Variants in ERCC6 observed in about 807,000 individuals in gnomAD.
ERCC6 encodes DNA excision repair protein ERCC-6.
ERCC6 carries 116 observed loss-of-function variants against 158.7 expected under a neutral mutation model. That is an observed-to-expected ratio of 0.73 (90% confidence interval 0.63 to 0.85). The LOEUF is 0.85. Among genes scored for constraint, ERCC6 ranks in the 40% least tolerant of loss-of-function variants. The pLI is 0.00. For missense variants in ERCC6, 1,698 were observed against 1,799.4 expected (o/e 0.94, Z 1.02); for synonymous variants, 678 against 659.3 (o/e 1.03, Z -0.43).
Position 49,532,720 on chromosome 10 carries a change from G to T in ERCC6, c.245C>A (p.Ala82Glu), listed in dbSNP as rs779279311. The change falls in exon 2 of 21, where the codon GCA becomes GAA. Residue 82 changes from alanine to glutamate, a missense_variant. Ala to Glu is a moderately radical substitution (Grantham distance 107, BLOSUM62 -1). Coordinates refer to ENST00000355832, the MANE Select transcript of ERCC6 (RefSeq NM_000124.4). ...AAGGGCCTGGGCGCTAGGCTCTACT[G>T]CCTGGATCTGATGTCGGTCGATGTG... Reference protein sequence around the residue: ...LLHIDRHQIQAVEPSAQALEL... With the variant: ...LLHIDRHQIQEVEPSAQALEL... The T allele has an allele frequency of 6.2e-7, 1 of 1,614,210 alleles. No individual in the cohort carries two copies. The highest frequency in any genetic ancestry group is 1.1e-5 in the South Asian group (1 of 91,090).
At chr10:49,461,182 A>G (rs1274409045) in intron 19 of ERCC6, among the ~76,000 whole-genome samples, 170 bp downstream of exon 19, 1 of 152,234 alleles carries the variant, frequency 6.6e-6, no homozygotes, top group East Asian at 1.9e-4. Context: ...GAGGAAGGCA[A>G]AGTTATAACA....
chr10:49,441,605 G>T, the ERCC6 span, among the ~76,000 whole-genome samples: 143 of 133,774 alleles, frequency 1.1e-3, no homozygotes, highest in Non-Finnish European at 2.0e-3. Context: ...TTAACAAAGC[G>T]TGCTGTCCCC....
At position 49,489,509 on chromosome 10, in the gene ERCC6, C is replaced by T. The variant is rs190780411; in HGVS notation, c.1821+3608G>A. On this transcript the variant is annotated intron_variant, in intron 8 of 20. Transcript: ENST00000355832. ...GTTATAAAACAGCAGATCCAAGATT[C>T]GAACCCTGGTCTTGTAAGCACAAAA... Among the ~76,000 whole-genome samples the T allele has an allele frequency of 2.2e-3, 333 of 152,306 alleles. 2 individuals are homozygous for T. The highest frequency in any genetic ancestry group is 7.7e-3 in the African/African-American group (320 of 41,568).
chr10:49,435,557 T>G, the ERCC6 span, among the ~76,000 whole-genome samples: 1 of 152,194 alleles, frequency 6.6e-6, no homozygotes, highest in Non-Finnish European at 1.5e-5. Flanking sequence ...AATTCAACAC[T>G]TTAAATAGCT....
chr10:49,516,226 A>C, intron 5 of ERCC6: 1 of 1,614,152 alleles, frequency 6.2e-7, no homozygotes, highest in African/African-American at 1.3e-5. Context: ...CCACACCAAA[A>C]CTTATAGCCA....
Position 49,457,292 on chromosome 10 carries a change from T to C in ERCC6, c.*1523A>G, listed in dbSNP as rs1337549899. ...TGATGGCAAAGTGACAAAAATAATG[T>C]AATCATCTTCTTCCCTCATTATATA... On this transcript the variant is annotated 3_prime_UTR_variant, in exon 21 of 21. Transcript: ENST00000355832. 2 of 152,162 alleles carry C rather than the reference T, an allele frequency of 1.3e-5. No homozygotes were observed. Among genetic ancestry groups the C allele is most frequent in the African/African-American group, 4.8e-5 (2 of 41,434 alleles). The allele number at this position is 152,162 out of a possible 1,614,324, so 9.4% of individuals were successfully genotyped here.
chr10:49,464,867 G>A (rs541542967), intron 18 of ERCC6, among the ~76,000 whole-genome samples: 9 of 152,370 alleles, frequency 5.9e-5, no homozygotes, highest in Admixed American at 3.9e-4. Context: ...TAGATGCCCA[G>A]GCAGAAGTTT....
intron 11 of ERCC6, 92 bp from the exon 12 acceptor site, chr10:49,476,402 C>A (rs1433142795): frequency 1.3e-5 from 11 of 832,798 alleles, no homozygotes; most frequent in Non-Finnish European, 5.9e-6. Context: ...ATCAAAAGAG[C>A]ACAATGCATG....
At chr10:49,445,603 G>C in the ERCC6 span, among the ~76,000 whole-genome samples, 1 of 152,252 alleles carries the variant, frequency 6.6e-6, no homozygotes, top group East Asian at 1.9e-4. Context: ...AATGGTTTCA[G>C]CAATGTAACA....
chr10:49,494,630 T>G (rs1217050675), intron 7 of ERCC6, among the ~76,000 whole-genome samples: 1 of 152,158 alleles, frequency 6.6e-6, no homozygotes, highest in East Asian at 1.9e-4. Context: ...GAAGCAGGAA[T>G]CCTGGCTCAT....
In ERCC6 at chr10:49,505,077, T is replaced by C. The variant is rs1473647737; in HGVS notation, c.1526+807A>G. 5 of 152,118 alleles carry C rather than the reference T, an allele frequency of 3.3e-5. No individual in the cohort carries two copies. In the East Asian group the frequency reaches 9.6e-4, roughly 29 times the overall value. 9.4% of individuals were successfully genotyped at this position (152,118 alleles called of 1,614,324 possible). A position where few individuals can be genotyped will look rare whatever the true frequency, so the allele number is the denominator to read the frequency against. ...TTTGCATCCTGCTCCCAACTACAAA[T>C]TGATTATACAAAAGAGACAGAAAGA... On this transcript the variant is annotated intron_variant, in intron 6 of 20. Coordinates refer to ENST00000355832, the MANE Select transcript of ERCC6 (RefSeq NM_000124.4).
At chr10:49,447,873 CA>C in the ERCC6 span, among the ~76,000 whole-genome samples, 33 of 152,146 alleles carry the variant, frequency 2.2e-4, no homozygotes, top group African/African-American at 8.0e-4. Context: ...ATCAGTACTT[CA>C]TCCCTTTTGT....
intron 18 of ERCC6, among the ~76,000 whole-genome samples, chr10:49,465,598 C>T (rs1835074037): frequency 6.6e-6 from 1 of 152,188 alleles, no homozygotes; most frequent in Admixed American, 6.5e-5. Context: ...ACAATTCCCA[C>T]ATGTCATGGG....
At chr10:49,500,227 A>G (rs1851334008) in intron 7 of ERCC6, among the ~76,000 whole-genome samples, 1 of 152,198 alleles carries the variant, frequency 6.6e-6, no homozygotes, top group Non-Finnish European at 1.5e-5. Flanking sequence ...AACATAATTG[A>G]GTTTGTAAAC....
chr10:49,505,968 T>C lies in ERCC6; in HGVS notation c.1442A>G (p.Lys481Arg). ...ACTTTCCTCAGAATCGTCCTCCAGCTTCAGACGTTTCTCTTTGTCCTGCAG... is the reference window on the plus strand; with the variant it reads ...ACTTTCCTCAGAATCGTCCTCCAGCCTCAGACGTTTCTCTTTGTCCTGCAG... The part of the protein sequence containing the change: ...LRLQDKEKRL[K>R]LEDDSEESDA... Residue 481 changes from lysine to arginine, a missense_variant, in exon 6 of 21, where the codon AAG (lysine) becomes AGG (arginine). Physicochemically the swap from Lys to Arg is conservative, Grantham distance 26. Transcript: ENST00000355832. The C allele has an allele frequency of 6.2e-7, 1 of 1,613,476 alleles. No individual in the cohort carries two copies. Among genetic ancestry groups the C allele is most frequent in the Non-Finnish European group, 8.5e-7 (1 of 1,179,544 alleles).
chr10:49,449,010 T>C, the ERCC6 span, among the ~76,000 whole-genome samples: 1 of 152,234 alleles, frequency 6.6e-6, no homozygotes, highest in Non-Finnish European at 1.5e-5. Context: ...GAGGAATTTC[T>C]AGGTCATAGG....
intron 12 of ERCC6, 115 bp downstream of exon 12, chr10:49,476,100 T>C: frequency 1.3e-6 from 1 of 778,082 alleles, no homozygotes; most frequent in African/African-American, 1.7e-5. Context: ...TTCATGCAAG[T>C]GAAGTGAGAT....
Position 49,456,909 on chromosome 10 carries a change from G to A in ERCC6, c.*1906C>T, listed in dbSNP as rs1224594225. The A allele has an allele frequency of 1.3e-5, 2 of 152,180 alleles. No individual in the cohort carries two copies. Among genetic ancestry groups the A allele is most frequent in the Non-Finnish European group, 2.9e-5 (2 of 68,038 alleles). 9.4% of individuals were successfully genotyped at this position (152,180 alleles called of 1,614,324 possible). A position where few individuals can be genotyped will look rare whatever the true frequency, so the allele number is the denominator to read the frequency against. ...CCAAGATCATGGTACATCAGCAGCA[G>A]AACTGAGACAAAAACTGGAACAAGG... On this transcript the variant is annotated 3_prime_UTR_variant, in exon 21 of 21. Coordinates refer to ENST00000355832, the MANE Select transcript of ERCC6 (RefSeq NM_000124.4).
chr10:49,475,259 ATTT>A (rs952472656), intron 12 of ERCC6: 24 of 298,906 alleles, frequency 8.0e-5, no homozygotes, highest in African/African-American at 5.0e-4. Context: ...ATCATTTTTA[ATTT>A]TTGATTACAT....
Sources: allele counts gnomAD v4.1 joint callset (sites outside exome capture counted in the v4.1 genomes callset), GRCh38; gene constraint gnomAD v4.1.1; transcripts MANE v1.5; gene names NCBI Gene and HGNC (gene_info 2026-07-23, HGNC 2026-07-21).